Variants in ASAP2 observed in about 807,000 individuals in gnomAD.
ASAP2 encodes the protein ArfGAP with SH3 domain, ankyrin repeat and PH domain 2.
In ASAP2, 45 loss-of-function variants were observed where a neutral mutation model predicts 131.4. The observed-to-expected ratio is 0.34, with a 90% CI of 0.27 to 0.44. ASAP2 has a LOEUF of 0.44. ASAP2 is among the 20% of genes least tolerant of loss of function. The pLI is 1.00. For missense variants in ASAP2, 1,011 were observed against 1,297.0 expected, an observed-to-expected ratio of 0.78 and a Z score of 3.39; for synonymous variants, 510 against 503.0, an observed-to-expected ratio of 1.01 and a Z score of -0.19.
At chr2:9,304,382 A>C (rs1668688208) in intron 3 of ASAP2, among the ~76,000 whole-genome samples, 1 of 151,898 alleles carries the variant, frequency 6.6e-6, no homozygotes, top group Non-Finnish European at 1.5e-5. Context: ...ACTTAGAAAA[A>C]AATTGTTTGC....
At chr2:9,286,116 GCTGGGCACGGTGA>G (rs943242233) in intron 2 of ASAP2, among the ~76,000 whole-genome samples, 3 of 152,160 alleles carry the variant, frequency 2.0e-5, no homozygotes, top group African/African-American at 7.2e-5. Flanking sequence ...GAAGATACTG[GCTGGGCACGGTGA>G]CTCACGCCTG....
intron 18 of ASAP2, among the ~76,000 whole-genome samples, chr2:9,377,251 T>A (rs1444062164): frequency 2.0e-5 from 3 of 152,142 alleles, no homozygotes; most frequent in Non-Finnish European, 4.4e-5. Flanking sequence ...CAAGTAGATA[T>A]GGCTACTGAA....
chr2:9,360,536 A>G (rs1673010969), intron 15 of ASAP2, among the ~76,000 whole-genome samples: 1 of 152,152 alleles, frequency 6.6e-6, no homozygotes, highest in African/African-American at 2.4e-5. Flanking sequence ...GTCCCCAACA[A>G]ATGTTTAACA....
At chr2:9,285,680 G>C (rs1266030646) in intron 2 of ASAP2, among the ~76,000 whole-genome samples, 1 of 152,200 alleles carries the variant, frequency 6.6e-6, no homozygotes, top group Non-Finnish European at 1.5e-5. Context: ...AACATTTTTA[G>C]CTGTTTGACA....
chr2:9,347,652 A>G (rs753847557), intron 11 of ASAP2, among the ~76,000 whole-genome samples: 7 of 152,198 alleles, frequency 4.6e-5, no homozygotes, highest in South Asian at 2.1e-4. Context: ...GATTCGTTCA[A>G]AGCCCGAGTT....
At chr2:9,273,531 T>C (rs1325068706) in intron 1 of ASAP2, among the ~76,000 whole-genome samples, 1 of 152,222 alleles carries the variant, frequency 6.6e-6, no homozygotes, top group Non-Finnish European at 1.5e-5. Context: ...CAGAGCCAGC[T>C]GTGCAGGAAA....
intron 3 of ASAP2, among the ~76,000 whole-genome samples, chr2:9,309,049 C>T (rs1346384728): frequency 2.0e-5 from 3 of 152,170 alleles, no homozygotes. Flanking sequence ...TGGCCCAGAG[C>T]GCACTTCCCC....
At chr2:9,314,936 AAAAAAAAT>A (rs1669541276) in intron 3 of ASAP2, among the ~76,000 whole-genome samples, 3 of 151,948 alleles carry the variant, frequency 2.0e-5, no homozygotes, top group African/African-American at 7.3e-5. Context: ...AAAAAAAAAA[AAAAAAAAT>A]AGAAAAGAAA....
chr2:9,219,177 C>A (rs1424038585), intron 1 of ASAP2, among the ~76,000 whole-genome samples: 1 of 152,158 alleles, frequency 6.6e-6, no homozygotes, highest in Non-Finnish European at 1.5e-5. Flanking sequence ...TGTTGAACTT[C>A]AAGAAAATAC....
At position 9,350,862 on chromosome 2, in the gene ASAP2, C is replaced by T. The variant is rs772980550; in HGVS notation, c.1078C>T (p.Pro360Ser). The T allele has an allele frequency of 6.8e-6, 11 of 1,613,338 alleles. No individual in the cohort carries two copies. The highest frequency in any genetic ancestry group is 3.3e-5 in the Admixed American group (2 of 59,976). ...GCTAACCTGCCAGGTGAAGACCAACCCTGAGGAGAAGAAGTGCTTTGACCT... is the reference window on the plus strand; with the variant it reads ...GCTAACCTGCCAGGTGAAGACCAACTCTGAGGAGAAGAAGTGCTTTGACCT... ...NLLTCQVKTN[P>S]EEKKCFDLIS... Residue 360 changes from proline (P) to serine (S), a missense_variant, in exon 12 of 28, where the codon CCT (proline) becomes TCT (serine). By Grantham distance (74) the Pro-to-Ser change is moderately conservative. This residue lies in a region of ASAP2 where 359 missense variants were observed against 598.1 expected (regional missense o/e 0.60). Coordinates refer to ENST00000281419, the MANE Select transcript of ASAP2 (RefSeq NM_003887.3).
chr2:9,254,236 A>AAAAAAAATATAT (rs1553297024), intron 1 of ASAP2, among the ~76,000 whole-genome samples: 4 of 47,110 alleles, frequency 8.5e-5, no homozygotes, highest in African/African-American at 5.5e-4. Context: ...AAAAAAAAAA[A>AAAAAAAATATAT]ATATATATAT....
At position 9,206,960 on chromosome 2, in the gene ASAP2, C is replaced by A; in HGVS notation, c.-145C>A. 1 of 787,864 alleles carries A rather than the reference C, an allele frequency of 1.3e-6. No homozygotes were observed. Among genetic ancestry groups the A allele is most frequent in the Non-Finnish European group, 1.5e-6 (1 of 651,480 alleles). The allele number at this position is 787,864 out of a possible 1,614,324, so 48.8% of individuals were successfully genotyped here. Reference sequence around the variant, plus strand: ...CCCTGCTCCGCCGCCAGGCCCCGCGCGGCTCCCGCGCCCGGCGCTCCCCTT... The same window carrying A: ...CCCTGCTCCGCCGCCAGGCCCCGCGAGGCTCCCGCGCCCGGCGCTCCCCTT... On this transcript the variant is annotated 5_prime_UTR_variant, in exon 1 of 28. Transcript: ENST00000281419. This position sits in a 1 kb window ranked among gnomAD's most constrained non-coding sequence, Gnocchi z 4.0.
At chr2:9,399,508 G>C in intron 24 of ASAP2, 1 of 156,532 alleles carries the variant, frequency 6.4e-6, no homozygotes, top group Non-Finnish European at 1.4e-5. Flanking sequence ...TCTACCTTGT[G>C]GCTTTGGGGT....
intron 1 of ASAP2, among the ~76,000 whole-genome samples, chr2:9,243,322 A>G (rs1269874641): frequency 6.6e-6 from 1 of 152,120 alleles, no homozygotes; most frequent in African/African-American, 2.4e-5. Context: ...GTTAGCCAGG[A>G]TGGTCTCGAT....
chr2:9,341,274 C>T (rs942338648), intron 9 of ASAP2, among the ~76,000 whole-genome samples: 6 of 152,100 alleles, frequency 3.9e-5, no homozygotes, highest in African/African-American at 4.8e-5. Flanking sequence ...GTTACGGGGT[C>T]GCCTGGGAGT....
intron 1 of ASAP2, among the ~76,000 whole-genome samples, chr2:9,272,187 G>A (rs1245982848): frequency 6.6e-6 from 1 of 152,078 alleles, no homozygotes. Flanking sequence ...TAGTGTACAG[G>A]GGTTCCCTTT....
At chr2:9,214,329 T>C (rs1661832519) in intron 1 of ASAP2, among the ~76,000 whole-genome samples, 1 of 151,978 alleles carries the variant, frequency 6.6e-6, no homozygotes, top group Non-Finnish European at 1.5e-5. Context: ...CCTCTGCCTC[T>C]CGAGTTCAAG....
At chr2:9,380,861 C>T (rs1394953645) in intron 20 of ASAP2, 53 bp downstream of exon 20, 27 of 1,547,064 alleles carry the variant, frequency 1.7e-5, no homozygotes, top group Non-Finnish European at 1.8e-6. Flanking sequence ...GGACAGGGAG[C>T]CAAGCCTGTC....
intron 2 of ASAP2, among the ~76,000 whole-genome samples, chr2:9,293,779 C>CTAGG (rs1667974213): frequency 6.6e-6 from 1 of 152,158 alleles, no homozygotes; most frequent in Non-Finnish European, 1.5e-5. Context: ...ATGAAAAATA[C>CTAGG]ATCTAAAAAT....
Sources: gnomAD v4.1 joint callset for allele counts (sites outside exome capture counted in the v4.1 genomes callset) on GRCh38, gnomAD v4.1.1 for gene constraint, gnomAD v4.1.1 regional missense constraint, Gnocchi (gnomAD v3.1) non-coding constraint, MANE v1.5 for transcripts, NCBI Gene and HGNC (gene_info 2026-07-23, HGNC 2026-07-21) for gene names.